Variants in CSRNP3 observed in about 807,000 individuals in gnomAD.
CSRNP3 encodes the protein cysteine and serine rich nuclear protein 3, also known as cysteine/serine-rich nuclear protein 3.
In CSRNP3, 12 loss-of-function variants were observed where a neutral mutation model predicts 48.0. That is an observed-to-expected ratio of 0.25 (90% CI 0.16 to 0.41). CSRNP3 has a LOEUF of 0.41. CSRNP3 is among the 10% of genes least tolerant of loss of function. The pLI is 1.00. For missense variants in CSRNP3, 580 were observed against 724.4 expected (o/e 0.80, Z 2.29); for synonymous variants, 263 against 269.7 (o/e 0.98, Z 0.24).
At chr2:165,506,451 G>C (rs1174363266) in intron 2 of CSRNP3, among the ~76,000 whole-genome samples, 1 of 152,000 alleles carries the variant, frequency 6.6e-6, no homozygotes, top group Non-Finnish European at 1.5e-5. Context: ...TATATCTAGT[G>C]GCTGCCACAT....
chr2:165,620,293 G>GT (rs1686318178), intron 4 of CSRNP3, among the ~76,000 whole-genome samples: 1 of 152,114 alleles, frequency 6.6e-6, no homozygotes, highest in African/African-American at 2.4e-5. Context: ...TGCCTGGAAA[G>GT]TGAATAAATA....
At chr2:165,596,454 A>G (rs941476884) in intron 4 of CSRNP3, among the ~76,000 whole-genome samples, 3 of 152,216 alleles carry the variant, frequency 2.0e-5, no homozygotes, top group African/African-American at 7.2e-5. Context: ...TGATTTAAAC[A>G]TATTTTTAAG....
At chr2:165,502,511 G>C (rs1684371102) in intron 2 of CSRNP3, among the ~76,000 whole-genome samples, 1 of 151,906 alleles carries the variant, frequency 6.6e-6, no homozygotes, top group South Asian at 2.1e-4. Flanking sequence ...TGACTTACTT[G>C]TAGATTAATC....
At chr2:165,482,731 T>C (rs920461576) in intron 1 of CSRNP3, among the ~76,000 whole-genome samples, 3 of 152,216 alleles carry the variant, frequency 2.0e-5, no homozygotes, top group South Asian at 4.1e-4. Context: ...CTTCCACCTC[T>C]TGCTTGTCTA....
intron 4 of CSRNP3, among the ~76,000 whole-genome samples, chr2:165,602,928 G>T (rs929201442): frequency 6.6e-6 from 1 of 151,106 alleles, no homozygotes; most frequent in Non-Finnish European, 1.5e-5. Context: ...ACAGAGTCTC[G>T]CTGTCGCCCA....
intron 3 of CSRNP3, among the ~76,000 whole-genome samples, chr2:165,555,148 C>A (rs939696850): frequency 2.0e-5 from 3 of 152,150 alleles, no homozygotes; most frequent in African/African-American, 7.2e-5. Flanking sequence ...CTTACCACCC[C>A]CTCCAACACA....
Position 165,579,859 on chromosome 2 carries a change from C to CT in CSRNP3, c.-23-15179dup, listed in dbSNP as rs562920988. 2.7e-5 allele frequency among the ~76,000 whole-genome samples: 4 copies of CT among 147,976 alleles called. No individual in the cohort carries two copies. In the Admixed American group the frequency reaches 2.7e-4, roughly 10 times the overall value. ...TTTAATAGTAGCATACCTAGAAGTGCTTTTTGGTAAATATACATTAGTAAC... is the reference window on the plus strand; with the variant it reads ...TTTAATAGTAGCATACCTAGAAGTGCTTTTTTGGTAAATATACATTAGTAAC... On this transcript the variant is annotated intron_variant, in intron 3 of 6. Transcript: ENST00000651982.
chr2:165,548,684 T>TA (rs1685061337), intron 3 of CSRNP3, among the ~76,000 whole-genome samples: 1 of 152,018 alleles, frequency 6.6e-6, no homozygotes, highest in Non-Finnish European at 1.5e-5. Context: ...CATTATGTCC[T>TA]AAAAATCAAA....
intron 3 of CSRNP3, among the ~76,000 whole-genome samples, chr2:165,558,860 G>A (rs924609099): frequency 6.6e-6 from 1 of 152,280 alleles, no homozygotes; most frequent in Non-Finnish European, 1.5e-5. Context: ...AGCTGTACAC[G>A]TGATGACCTA....
intron 3 of CSRNP3, among the ~76,000 whole-genome samples, chr2:165,578,225 C>T (rs1390741823): frequency 1.3e-5 from 2 of 151,974 alleles, no homozygotes; most frequent in Non-Finnish European, 2.9e-5. Context: ...ATTAAATTTA[C>T]CATCTTTCAC....
chr2:165,549,481 G>A (rs1558931647), intron 3 of CSRNP3, among the ~76,000 whole-genome samples: 1 of 151,906 alleles, frequency 6.6e-6, no homozygotes, highest in African/African-American at 2.4e-5. Context: ...GGGGTCCAGT[G>A]TTTTACTCTT....
intron 3 of CSRNP3, among the ~76,000 whole-genome samples, chr2:165,592,461 G>A (rs1002350520): frequency 6.6e-6 from 1 of 152,156 alleles, no homozygotes; most frequent in African/African-American, 2.4e-5. Flanking sequence ...GAAATGTGAG[G>A]ACATGAGATT....
intron 4 of CSRNP3, among the ~76,000 whole-genome samples, chr2:165,604,186 C>G (rs1030885278): frequency 3.9e-5 from 6 of 152,168 alleles, no homozygotes; most frequent in African/African-American, 1.4e-4. Flanking sequence ...CACGATCTAA[C>G]AGTATTTTAG....
At chr2:165,654,559 A>T (rs1686970899) in intron 4 of CSRNP3, among the ~76,000 whole-genome samples, 1 of 152,048 alleles carries the variant, frequency 6.6e-6, no homozygotes, top group African/African-American at 2.4e-5. Flanking sequence ...ATTGTGTCAG[A>T]GTTTCTCATC....
chr2:165,669,051 T>C (rs1223445341), intron 5 of CSRNP3, among the ~76,000 whole-genome samples: 1 of 152,232 alleles, frequency 6.6e-6, no homozygotes, highest in Non-Finnish European at 1.5e-5. Context: ...ATAATTTATA[T>C]ACAGTATGGA....
intron 1 of CSRNP3, among the ~76,000 whole-genome samples, chr2:165,469,964 G>A (rs2105441307): frequency 6.6e-6 from 1 of 152,124 alleles, no homozygotes; most frequent in South Asian, 2.1e-4. Context: ...ACAATCACCA[G>A]AGGCATGTCT....
intron 2 of CSRNP3, among the ~76,000 whole-genome samples, chr2:165,513,456 G>A (rs1684535560): frequency 6.6e-6 from 1 of 152,102 alleles, no homozygotes; most frequent in Non-Finnish European, 1.5e-5. Flanking sequence ...CTGTGATTCC[G>A]ACAGGAACAG....
At chr2:165,490,386 C>T (rs1390658224) in intron 1 of CSRNP3, among the ~76,000 whole-genome samples, 1 of 142,426 alleles carries the variant, frequency 7.0e-6, no homozygotes, top group East Asian at 2.1e-4. Context: ...AGGTAATTTA[C>T]AGATTCAATG....
intron 4 of CSRNP3, among the ~76,000 whole-genome samples, chr2:165,601,964 G>A (rs762454241): frequency 3.3e-5 from 5 of 152,112 alleles, no homozygotes; most frequent in Non-Finnish European, 7.4e-5. Flanking sequence ...CTCTGAGCTA[G>A]GACCTTTCAA....
Sources: allele counts gnomAD v4.1 joint callset (sites outside exome capture counted in the v4.1 genomes callset), GRCh38; gene constraint gnomAD v4.1.1; transcripts MANE v1.5; gene names NCBI Gene and HGNC (gene_info 2026-07-23, HGNC 2026-07-21).